The following KLK5 variants were observed in gnomAD, a reference collection of about 807,000 sequenced individuals.
KLK5 encodes kallikrein-5.
A neutral mutation model predicts 24.0 loss-of-function variants in KLK5; 18 were observed. The ratio of observed to expected loss-of-function variants is 0.75; its 90% CI spans 0.52 to 1.11. The LOEUF is 1.11. Among genes scored for constraint, KLK5 ranks in the 50% most tolerant of loss-of-function variants. KLK5 has a pLI of 0.00. For missense variants in KLK5, 374 were observed against 379.2 expected, an observed-to-expected ratio of 0.99 and a Z score of 0.11; for synonymous variants, 140 against 154.0, an observed-to-expected ratio of 0.91 and a Z score of 0.67.
At chr19:50,949,691 A>T (rs887670831) in intron 3 of KLK5, among the ~76,000 whole-genome samples, 164 bp downstream of exon 3, 5 of 142,696 alleles carry the variant, frequency 3.5e-5, no homozygotes, top group Non-Finnish European at 7.5e-5. Context: ...TCCTGCTCCC[A>T]CATCCCCAAC....
intron 2 of KLK5, among the ~76,000 whole-genome samples, chr19:50,951,562 G>A (rs553424939): frequency 7.2e-4 from 109 of 152,218 alleles, no homozygotes; most frequent in African/African-American, 2.5e-3. Context: ...GTGAGCCACC[G>A]CGCCCGGCCT....
In KLK5 at chr19:50,943,346, C is replaced by A; in HGVS notation, c.*285G>T. The A allele has an allele frequency of 3.4e-6, 1 of 293,310 alleles. No individual in the cohort carries two copies. The highest frequency in any genetic ancestry group is 6.4e-6 in the Non-Finnish European group (1 of 157,458). The allele number at this position is 293,310 out of a possible 1,614,324, so 18.2% of individuals were successfully genotyped here. On this transcript the variant is annotated 3_prime_UTR_variant, in exon 6 of 6. Transcript: ENST00000336334. ...TTCTGGGACTAAATTTGGGTCAGAG[C>A]TGCAGAGAAGGGATGGGCCCTGAGC...
At chr19:50,943,829 C>A in intron 5 of KLK5, 43 bp from the exon 6 acceptor site, 1 of 1,546,980 alleles carries the variant, frequency 6.5e-7, no homozygotes, top group South Asian at 1.2e-5. Flanking sequence ...AGAGATGTGG[C>A]AAAGTGGGCA....
At chr19:50,946,603 A>G (rs1313888123) in intron 5 of KLK5, among the ~76,000 whole-genome samples, 1 of 151,004 alleles carries the variant, frequency 6.6e-6, no homozygotes, top group Non-Finnish European at 1.5e-5. Flanking sequence ...TGTGTTGCCC[A>G]GGCTGGAGTG....
chr19:50,943,719 G>C lies in KLK5; in HGVS notation c.794C>G (p.Pro265Arg). The change falls in exon 6 of 6, where the codon CCT becomes CGT. Residue 265 changes from proline to arginine, a missense_variant. Pro to Arg is a moderately radical substitution (Grantham distance 103). Transcript: ENST00000336334. The part of the protein sequence containing the change: ...LQGLVSWGDY[P>R]CARPNRPGVY... ...ACCCGGTCTGTTGGGCCGGGCACAA[G>C]GGTAATCTCCCCAGGACACGAGTCC... 6.2e-7 allele frequency: 1 copy of C among 1,613,938 alleles called. No homozygotes were observed. The highest frequency in any genetic ancestry group is 8.5e-7 in the Non-Finnish European group (1 of 1,179,926).
intron 2 of KLK5, among the ~76,000 whole-genome samples, chr19:50,952,183 A>ATATGTATC (rs61409696): frequency 0.44 from 66,049 of 150,768 alleles, 14,991 homozygotes; most frequent in East Asian, 0.75. Context: ...AGGGACAGGA[A>ATATGTATC]CTGCAGATAC....
chr19:50,946,921 A>G (rs998541417), intron 5 of KLK5, among the ~76,000 whole-genome samples: 2 of 144,316 alleles, frequency 1.4e-5, no homozygotes, highest in African/African-American at 5.0e-5. Flanking sequence ...CACCCAGGGC[A>G]CAGAGAAGAA....
intron 3 of KLK5, 65 bp downstream of exon 3, chr19:50,949,790 C>CCCAT: frequency 3.9e-6 from 1 of 258,040 alleles, no homozygotes; most frequent in Non-Finnish European, 6.4e-6. Flanking sequence ...CCCCCACCCC[C>CCCAT]ACTTCCCCAC....
chr19:50,946,580 G>T (rs1484504522), intron 5 of KLK5, among the ~76,000 whole-genome samples: 2 of 149,826 alleles, frequency 1.3e-5, no homozygotes, highest in Non-Finnish European at 3.0e-5. Flanking sequence ...TTTTTTTTGA[G>T]ACGGAGTCTC....
chr19:50,949,800 CCCCCACCCCCACTTCCCCGT>C (rs1242990740), intron 3 of KLK5, 35 bp downstream of exon 3: 2 of 235,564 alleles, frequency 8.5e-6, no homozygotes, highest in Non-Finnish European at 7.3e-6. Context: ...CACTTCCCCA[CCCCCACCCCCACTTCCCCGT>C]CCCCACCAAC....
At chr19:50,944,500 C>T (rs1387398441) in intron 5 of KLK5, among the ~76,000 whole-genome samples, 2 of 152,110 alleles carry the variant, frequency 1.3e-5, no homozygotes, top group African/African-American at 2.4e-5. Flanking sequence ...CTCACTCTCC[C>T]CTCCAGCCTG....
At chr19:50,946,550 A>C (rs268908) in intron 5 of KLK5, among the ~76,000 whole-genome samples, 44,804 of 151,474 alleles carry the variant, frequency 0.3, 10,137 homozygotes, top group African/African-American at 0.64. Context: ...ATGAGATGTG[A>C]TTTCTTTTCT....
chr19:50,943,856 A>T, intron 5 of KLK5, 70 bp from the exon 6 acceptor site: 1 of 1,258,712 alleles, frequency 7.9e-7, no homozygotes, highest in South Asian at 1.4e-5. Flanking sequence ...GACATGAGAG[A>T]CCCAGAGATG....
intron 3 of KLK5, 135 bp downstream of exon 3, chr19:50,949,720 A>T: frequency 2.2e-6 from 1 of 456,124 alleles, no homozygotes; most frequent in East Asian, 7.7e-5. Flanking sequence ...ACCAACCCTC[A>T]CCTTCCATGA....
intron 3 of KLK5, among the ~76,000 whole-genome samples, chr19:50,949,434 A>G (rs1027552499): frequency 6.6e-6 from 1 of 150,398 alleles, no homozygotes; most frequent in Non-Finnish European, 1.5e-5. Flanking sequence ...TCCCAATCTC[A>G]ACCCTATCTC....
chr19:50,945,735 G>T (rs1412067098), intron 5 of KLK5, among the ~76,000 whole-genome samples: 1 of 151,072 alleles, frequency 6.6e-6, no homozygotes, highest in Non-Finnish European at 1.5e-5. Flanking sequence ...ATGCTGCAGT[G>T]AGCTGATATG....
At chr19:50,948,497 A>G (rs1361906048) in intron 5 of KLK5, 143 bp downstream of exon 5, 3 of 743,272 alleles carry the variant, frequency 4.0e-6, no homozygotes, top group Non-Finnish European at 4.4e-6. Context: ...TCTACTAAAC[A>G]CCACTACTCT....
rs766197545 is a variant in KLK5, at chr19:50,948,878, C to A, written c.573G>T (p.Gly191=). The A allele has an allele frequency of 1.4e-5, 23 of 1,613,908 alleles. No individual in the cohort carries two copies. In the East Asian group the frequency reaches 4.7e-4, roughly 33 times the overall value. The change falls in exon 4 of 6, where the codon GGG becomes GGT. Residue 191 remains glycine (G), a synonymous_variant. Coordinates refer to ENST00000336334, the MANE Select transcript of KLK5 (RefSeq NM_012427.5). The part of the protein sequence containing the change: ...AGTKCLVSGW[G]TTKSPQVHFP... Reference sequence around the variant, plus strand: ...ACTCACCTTGGGGGCTCTTGGTTGTCCCCCAGCCAGACACCAAGCACTTTG... The same window carrying A: ...ACTCACCTTGGGGGCTCTTGGTTGTACCCCAGCCAGACACCAAGCACTTTG...
At chr19:50,946,935 G>A (rs1189720715) in intron 5 of KLK5, among the ~76,000 whole-genome samples, 2 of 152,136 alleles carry the variant, frequency 1.3e-5, no homozygotes, top group African/African-American at 4.8e-5. Context: ...AGAAGAAATG[G>A]GGAGAGCTGG....
Sources: allele counts gnomAD v4.1 joint callset (sites outside exome capture counted in the v4.1 genomes callset), GRCh38; gene constraint gnomAD v4.1.1; transcripts MANE v1.5; gene names NCBI Gene and HGNC (gene_info 2026-07-23, HGNC 2026-07-21).